The following OTUD5 variants were observed in gnomAD, a reference collection of about 807,000 sequenced individuals.
OTUD5 encodes OTU domain-containing protein 5.
OTUD5 carries 2 observed loss-of-function variants against 36.3 expected under a neutral mutation model. That is an observed-to-expected ratio of 0.06 (90% CI 0.02 to 0.17). The LOEUF is 0.17. OTUD5 is among the 10% of genes least tolerant of loss of function. OTUD5 has a pLI of 1.00. For missense variants in OTUD5, 233 were observed against 512.3 expected (o/e 0.45, Z 5.26); for synonymous variants, 234 against 214.9 (o/e 1.09, Z -0.78).
At chrX:48,945,105 A>G (rs929883410) in intron 1 of OTUD5, among the ~76,000 whole-genome samples, 5 of 110,505 alleles carry the variant, frequency 4.5e-5, no homozygotes, top group South Asian at 7.6e-4. Flanking sequence ...CATTTAACAG[A>G]TATCTACACA....
At position 48,957,444 on chromosome X, in the gene OTUD5, T is replaced by C. The variant is rs2064269594; in HGVS notation, c.127A>G (p.Thr43Ala). The change falls in exon 1 of 9, where the codon ACG becomes GCG. Residue 43 changes from threonine (T) to alanine (A), a missense_variant. Transcript: ENST00000376488. ...TCGCGATCGCCGCCGCCCACGCCCG[T>C]GCCGCCGCCGCCCACGCCCACACCT... ...GGGVGVGGGG[T>A]GVGGGDRDRD... 1.0e-6 allele frequency: 1 copy of C among 990,341 alleles called. No homozygotes were observed. 81.6% of individuals were successfully genotyped at this position (990,341 alleles called of 1,213,427 possible). A position where few individuals can be genotyped will look rare whatever the true frequency, so the allele number is the denominator to read the frequency against.
intron 5 of OTUD5, among the ~76,000 whole-genome samples, chrX:48,928,527 CA>C (rs781868780): frequency 9.9e-5 from 11 of 111,388 alleles, no homozygotes; most frequent in Non-Finnish European, 1.9e-4. Context: ...ATTTTAATTT[CA>C]GGGGGGAAAA....
intron 6 of OTUD5, among the ~76,000 whole-genome samples, chrX:48,924,443 C>G (rs782745270): frequency 1.3e-4 from 14 of 111,575 alleles, no homozygotes; most frequent in Non-Finnish European, 1.9e-4. Flanking sequence ...GCAGGCAAGG[C>G]GATCTTATTA....
chrX:48,925,790 C>G (rs998191965), intron 6 of OTUD5, 57 bp downstream of exon 6: 2 of 1,020,929 alleles, frequency 2.0e-6, no homozygotes, highest in African/African-American at 3.8e-5. Flanking sequence ...CGCTTGAGGG[C>G]AAAGCATGAG....
intron 5 of OTUD5, 43 bp from the exon 6 acceptor site, chrX:48,926,093 A>G (rs781885889): frequency 1.9e-6 from 2 of 1,071,889 alleles, no homozygotes; most frequent in Admixed American, 4.4e-5. Context: ...TAACACACTG[A>G]ACCTGCCCAA....
At chrX:48,927,678 G>A (rs1250148427) in intron 5 of OTUD5, among the ~76,000 whole-genome samples, 2 of 111,578 alleles carry the variant, frequency 1.8e-5, no homozygotes, top group East Asian at 5.6e-4. Flanking sequence ...CTACCCAAAA[G>A]CTCCCAGAAC....
chrX:48,955,586 G>A (rs2064223543), intron 1 of OTUD5, among the ~76,000 whole-genome samples: 1 of 111,016 alleles, frequency 9.0e-6, no homozygotes, highest in Admixed American at 9.5e-5. Flanking sequence ...GCCCTTAAAA[G>A]TAGGCAAAGA....
intron 2 of OTUD5, among the ~76,000 whole-genome samples, chrX:48,935,532 A>T (rs1557049759): frequency 9.1e-6 from 1 of 109,938 alleles, no homozygotes; most frequent in Non-Finnish European, 1.9e-5. Flanking sequence ...AAAAGGAAAG[A>T]AAAAAAAATG....
chrX:48,944,062 G>A (rs990436560), intron 2 of OTUD5, 128 bp downstream of exon 2: 74 of 453,556 alleles, frequency 1.6e-4, no homozygotes, highest in Middle Eastern at 4.8e-4. Context: ...ACCAACTTGA[G>A]GCTGGAGCCT....
chrX:48,935,166 G>A (rs191126703), intron 2 of OTUD5, 148 bp from the exon 3 acceptor site: 3 of 534,157 alleles, frequency 5.6e-6, no homozygotes, highest in African/African-American at 4.7e-5. Flanking sequence ...GCCCTTGTAG[G>A]CTAGAACGGG....
At chrX:48,943,617 T>C (rs1438675837) in intron 2 of OTUD5, among the ~76,000 whole-genome samples, 1 of 111,242 alleles carries the variant, frequency 9.0e-6, no homozygotes, top group Non-Finnish European at 1.9e-5. Flanking sequence ...AATTCTATGA[T>C]ATAAGAAATT....
chrX:48,947,450 C>T (rs1437004028), intron 1 of OTUD5, among the ~76,000 whole-genome samples: 2 of 110,468 alleles, frequency 1.8e-5, no homozygotes, highest in African/African-American at 6.6e-5. Context: ...CACCTGTAAT[C>T]CCAGAACTTT....
upstream of OTUD5, chrX:48,957,855 T>A (rs2064284869): frequency 1.4e-6 from 1 of 740,490 alleles, no homozygotes; most frequent in Non-Finnish European, 1.6e-6. Context: ...CCAGCAAGTT[T>A]ATTGCTACGC....
intron 2 of OTUD5, among the ~76,000 whole-genome samples, chrX:48,937,721 G>T (rs1557050236): frequency 8.9e-6 from 1 of 112,546 alleles, no homozygotes; most frequent in African/African-American, 3.2e-5. Context: ...TCCATCTGCT[G>T]GGTGTTGTCA....
Position 48,922,580 on chromosome X carries a change from G to T in OTUD5, c.*594C>A, listed in dbSNP as rs782602090. The T allele has an allele frequency of 1.3e-6, 1 of 753,488 alleles. No individual in the cohort carries two copies. Among genetic ancestry groups the T allele is most frequent in the Non-Finnish European group, 1.6e-6 (1 of 639,007 alleles). 62.1% of individuals were successfully genotyped at this position (753,488 alleles called of 1,213,427 possible). A position where few individuals can be genotyped will look rare whatever the true frequency, so the allele number is the denominator to read the frequency against. ...GCCCCATGGCCTGCCTGCCCAGAAA[G>T]ATGCCACCTTCACAGAGCCAGTGCT... On this transcript the variant is annotated 3_prime_UTR_variant, in exon 9 of 9. Coordinates refer to ENST00000376488, the MANE Select transcript of OTUD5 (RefSeq NM_001136157.2).
At position 48,923,374 on chromosome X, in the gene OTUD5, G is replaced by A. The variant is rs2063611836; in HGVS notation, c.1580-79C>T. ...CTCCTCACCCTGTGCCGACATCTGG[G>A]GCTCTGGAGAAATCCCATAGGGCCC... On this transcript the variant is annotated intron_variant, in intron 8 of 8. Transcript: ENST00000376488. The A allele has an allele frequency of 6.1e-6, 5 of 824,041 alleles. No individual in the cohort carries two copies. In the South Asian group the frequency reaches 1.1e-4, roughly 18 times the overall value. 67.9% of individuals were successfully genotyped at this position (824,041 alleles called of 1,213,427 possible).
intron 2 of OTUD5, among the ~76,000 whole-genome samples, chrX:48,936,963 C>T (rs782423770): frequency 2.2e-4 from 25 of 111,848 alleles, no homozygotes; most frequent in African/African-American, 8.1e-4. Context: ...GTCAGAAGAA[C>T]ACCTTCCCTG....
intron 2 of OTUD5, among the ~76,000 whole-genome samples, chrX:48,936,800 T>C (rs2063836329): frequency 8.9e-6 from 1 of 111,755 alleles, no homozygotes; most frequent in Admixed American, 9.5e-5. Context: ...CTGAAGATCA[T>C]GCAAGTCTGA....
At chrX:48,958,363 C>G (rs1156848685), upstream of OTUD5, 4 of 112,598 alleles carry the variant, frequency 3.6e-5, no homozygotes. Flanking sequence ...CTCCCGGGAG[C>G]ATAGCTGGCC....
Sources: gnomAD v4.1 joint callset for allele counts (sites outside exome capture counted in the v4.1 genomes callset) on GRCh38, gnomAD v4.1.1 for gene constraint, MANE v1.5 for transcripts, NCBI Gene and HGNC (gene_info 2026-07-23, HGNC 2026-07-21) for gene names.